Variants in NREP observed in about 807,000 individuals in gnomAD.
NREP encodes the protein neuronal regeneration-related protein.
In NREP, 5 loss-of-function variants were observed where a neutral mutation model predicts 8.6. That is an observed-to-expected ratio of 0.58 (90% CI 0.30 to 1.22). The LOEUF (loss-of-function observed/expected upper bound fraction) is 1.22. Ranked by LOEUF, NREP falls within the 50% of genes most tolerant of loss-of-function variation. The pLI is 0.07. For synonymous variants in NREP, 27 were observed against 28.0 expected, an observed-to-expected ratio of 0.96 and a Z score of 0.11; for missense variants, 86 against 82.5, an observed-to-expected ratio of 1.04 and a Z score of -0.17.
At chr5:111,970,818 T>A (rs1581262148) in intron 2 of NREP, among the ~76,000 whole-genome samples, 2 of 77,780 alleles carry the variant, frequency 2.6e-5, no homozygotes, top group African/African-American at 1.1e-4. Context: ...AAAGCAAGAC[T>A]CCATCTCAAA....
intron 1 of NREP, among the ~76,000 whole-genome samples, chr5:111,976,531 T>A (rs900966805): frequency 6.6e-6 from 1 of 152,212 alleles, no homozygotes; most frequent in South Asian, 2.1e-4. Flanking sequence ...AAATATTGAA[T>A]AAATGAACGA....
At chr5:111,919,891 G>GAAAGAA (rs1554053095) in intron 2 of NREP, among the ~76,000 whole-genome samples, 1 of 148,294 alleles carries the variant, frequency 6.7e-6, no homozygotes. Flanking sequence ...AAGAAAGAAA[G>GAAAGAA]AAAGAAAGAA....
intron 2 of NREP, among the ~76,000 whole-genome samples, chr5:111,797,671 T>C (rs1751904802): frequency 2.0e-5 from 3 of 152,192 alleles, no homozygotes; most frequent in Admixed American, 1.3e-4. Flanking sequence ...CAGTTTCATC[T>C]TCAAATGAAA....
chr5:111,827,394 T>C (rs951564130), intron 2 of NREP, among the ~76,000 whole-genome samples: 6 of 152,256 alleles, frequency 3.9e-5, no homozygotes, highest in African/African-American at 7.2e-5. Context: ...ATACTTGTCA[T>C]GAAGACAAGG....
chr5:111,733,020 A>C (rs1748742186), intron 3 of NREP: 1 of 152,220 alleles, frequency 6.6e-6, no homozygotes, highest in Non-Finnish European at 1.5e-5. Flanking sequence ...ATACACAACA[A>C]AACAAAAGGA....
intron 2 of NREP, among the ~76,000 whole-genome samples, chr5:111,912,299 C>A (rs1241597523): frequency 6.6e-6 from 1 of 151,996 alleles, no homozygotes; most frequent in Non-Finnish European, 1.5e-5. Flanking sequence ...GCAAAATGAG[C>A]TAGGGTCTGC....
At chr5:111,883,307 AC>A (rs1754139690) in intron 2 of NREP, among the ~76,000 whole-genome samples, 1 of 152,156 alleles carries the variant, frequency 6.6e-6, no homozygotes, top group Admixed American at 6.5e-5. Context: ...ATACAGGAGC[AC>A]CCAGATTCAC....
chr5:111,757,807 T>G, upstream of NREP: 1 of 970,874 alleles, frequency 1.0e-6, no homozygotes, highest in Non-Finnish European at 1.2e-6. Context: ...GACGTGCGGT[T>G]GCTTTTCAGA....
At chr5:111,898,444 G>A (rs553827612) in intron 2 of NREP, among the ~76,000 whole-genome samples, 14 of 152,226 alleles carry the variant, frequency 9.2e-5, no homozygotes, top group African/African-American at 1.9e-4. Context: ...CAACTGAGAC[G>A]GGGAAACGTA....
intron 2 of NREP, among the ~76,000 whole-genome samples, chr5:111,852,651 C>T (rs2112469962): frequency 6.6e-6 from 1 of 152,152 alleles, no homozygotes; most frequent in East Asian, 1.9e-4. Flanking sequence ...AAAGCCCTTT[C>T]CATTTTTTGT....
intron 2 of NREP, among the ~76,000 whole-genome samples, chr5:111,754,273 A>G (rs1249151798): frequency 6.6e-6 from 1 of 152,202 alleles, no homozygotes; most frequent in Non-Finnish European, 1.5e-5. Flanking sequence ...ACCTTCTACA[A>G]AGCTCATTCT....
chr5:111,756,816 G>C (rs77242097), intron 1 of NREP, among the ~76,000 whole-genome samples: 1 of 152,258 alleles, frequency 6.6e-6, no homozygotes, highest in African/African-American at 2.4e-5. Flanking sequence ...AAACACAACA[G>C]TTTCTAACAA....
intron 2 of NREP, among the ~76,000 whole-genome samples, chr5:111,970,071 C>T (rs558680550): frequency 1.4e-3 from 219 of 152,294 alleles, no homozygotes; most frequent in African/African-American, 5.2e-3. Context: ...AATGTTTCCT[C>T]TTCCTAAATA....
intron 2 of NREP, among the ~76,000 whole-genome samples, chr5:111,783,662 T>C (rs1023745335): frequency 6.6e-6 from 1 of 152,234 alleles, no homozygotes; most frequent in African/African-American, 2.4e-5. Flanking sequence ...TTAGCTTGAA[T>C]GAGTGATGAA....
intron 2 of NREP, among the ~76,000 whole-genome samples, chr5:111,825,192 C>CAAAT (rs951702249): frequency 1.3e-5 from 2 of 151,902 alleles, no homozygotes; most frequent in African/African-American, 2.4e-5. Flanking sequence ...AAATAAAACT[C>CAAAT]AAATAAATAA....
At chr5:111,959,456 TAAATTTA>T (rs999654883) in intron 2 of NREP, among the ~76,000 whole-genome samples, 2 of 152,002 alleles carry the variant, frequency 1.3e-5, no homozygotes, top group African/African-American at 4.8e-5. Flanking sequence ...GTACATTAGC[TAAATTTA>T]AAATTTAAGA....
chr5:111,749,979 T>C (rs1428378333), intron 2 of NREP, among the ~76,000 whole-genome samples: 1 of 152,162 alleles, frequency 6.6e-6, no homozygotes, highest in Non-Finnish European at 1.5e-5. Flanking sequence ...TTCTTTCCTG[T>C]TAAGCACAAT....
chr5:111,815,330 T>C (rs150717526), intron 2 of NREP, among the ~76,000 whole-genome samples: 40 of 152,278 alleles, frequency 2.6e-4, no homozygotes, highest in African/African-American at 8.9e-4. Context: ...CCATAACTGA[T>C]TGGATTGAAA....
chr5:111,789,876 C>G (rs926792222), intron 2 of NREP, among the ~76,000 whole-genome samples: 6 of 151,986 alleles, frequency 3.9e-5, no homozygotes, highest in African/African-American at 1.5e-4. Context: ...GAAGAGCTTC[C>G]TTGTAATGAC....
Sources: gnomAD v4.1 joint callset for allele counts (sites outside exome capture counted in the v4.1 genomes callset) on GRCh38, gnomAD v4.1.1 for gene constraint, MANE v1.5 for transcripts, NCBI Gene and HGNC (gene_info 2026-07-23, HGNC 2026-07-21) for gene names.